Variants in IL20RB observed in about 807,000 individuals in gnomAD.
The protein encoded by IL20RB is interleukin 20 receptor subunit beta, also known as interleukin-20 receptor subunit beta.
In IL20RB, 21 loss-of-function variants were observed where a neutral mutation model predicts 33.3. That is an observed-to-expected ratio of 0.63 (90% confidence interval 0.45 to 0.91). The LOEUF (loss-of-function observed/expected upper bound fraction) is 0.91. IL20RB is among the 40% of genes least tolerant of loss of function. The pLI is 0.00. For synonymous variants in IL20RB, 147 were observed against 146.8 expected (o/e 1.00, Z -0.01); for missense variants, 345 against 384.8 (o/e 0.90, Z 0.86).
chr3:136,987,877 C>T (rs1270958182), intron 3 of IL20RB, among the ~76,000 whole-genome samples: 4 of 152,156 alleles, frequency 2.6e-5, no homozygotes, highest in African/African-American at 7.2e-5. Flanking sequence ...GCCGGCTGCT[C>T]CGAGTGCGGG....
At chr3:136,980,284 T>C (rs1440832539) in intron 1 of IL20RB, 182 bp from the exon 2 acceptor site, 3 of 622,122 alleles carry the variant, frequency 4.8e-6, no homozygotes, top group Non-Finnish European at 8.2e-6. Context: ...TTTATAAACA[T>C]GTGAGGCTTT....
At chr3:136,963,612 A>G (rs1322441962) in intron 1 of IL20RB, among the ~76,000 whole-genome samples, 1 of 148,006 alleles carries the variant, frequency 6.8e-6, no homozygotes, top group African/African-American at 2.5e-5. Flanking sequence ...CTATTTTTAG[A>G]TTGGATTGTT....
chr3:136,969,920 C>T (rs1026317118), intron 1 of IL20RB, among the ~76,000 whole-genome samples: 2 of 151,862 alleles, frequency 1.3e-5, no homozygotes, highest in African/African-American at 4.8e-5. Context: ...GAACTTTTTG[C>T]CCAGCCCTGA....
At chr3:136,970,773 CT>C (rs1390208620) in intron 1 of IL20RB, among the ~76,000 whole-genome samples, 4 of 152,032 alleles carry the variant, frequency 2.6e-5, no homozygotes, top group Non-Finnish European at 5.9e-5. Flanking sequence ...CTGCCTCAGC[CT>C]CCCCAGTAGC....
chr3:137,005,867 CT>C (rs1942339871), intron 6 of IL20RB, among the ~76,000 whole-genome samples: 2 of 152,322 alleles, frequency 1.3e-5, no homozygotes, highest in South Asian at 4.1e-4. Flanking sequence ...CGTCGATGGT[CT>C]TTGCTATTTG....
chr3:136,960,742 T>A (rs1941196637), intron 1 of IL20RB, among the ~76,000 whole-genome samples: 1 of 152,188 alleles, frequency 6.6e-6, no homozygotes, highest in African/African-American at 2.4e-5. Flanking sequence ...TTGATGATGG[T>A]TTGGTCTGCT....
At chr3:136,989,372 G>T in intron 3 of IL20RB, 69 bp from the exon 4 acceptor site, 2 of 1,586,088 alleles carry the variant, frequency 1.3e-6, no homozygotes, top group Admixed American at 1.7e-5. Context: ...ACATGACCCG[G>T]TCATTGTGTT....
chr3:136,973,482 T>C (rs1560067394), intron 1 of IL20RB, among the ~76,000 whole-genome samples: 1 of 152,138 alleles, frequency 6.6e-6, no homozygotes, highest in Non-Finnish European at 1.5e-5. Context: ...TGACCTAACA[T>C]ATGGTTTATT....
intron 2 of IL20RB, 163 bp from the exon 3 acceptor site, chr3:136,981,997 G>A (rs1445118096): frequency 8.8e-6 from 4 of 455,382 alleles, no homozygotes; most frequent in East Asian, 6.8e-5. Context: ...AGTAAGGGAC[G>A]ATGGATGGTT....
intron 6 of IL20RB, among the ~76,000 whole-genome samples, chr3:137,009,331 G>A (rs1933020069): frequency 6.6e-6 from 1 of 152,184 alleles, no homozygotes; most frequent in Non-Finnish European, 1.5e-5. Context: ...CACCTGAAAA[G>A]TTGATGTCTG....
chr3:136,987,934 GC>G (rs1351733855), intron 3 of IL20RB, among the ~76,000 whole-genome samples: 1 of 152,180 alleles, frequency 6.6e-6, no homozygotes, highest in Non-Finnish European at 1.5e-5. Context: ...GCCCGCAAGC[GC>G]CGCGTGCAGC....
chr3:137,003,377 C>T (rs544810470), intron 6 of IL20RB, among the ~76,000 whole-genome samples: 16 of 152,250 alleles, frequency 1.1e-4, no homozygotes. Context: ...GCCATTTTCA[C>T]GATATTGATT....
chr3:136,981,821 A>C (rs887699425), intron 2 of IL20RB, among the ~76,000 whole-genome samples: 4 of 152,148 alleles, frequency 2.6e-5, no homozygotes, highest in African/African-American at 9.6e-5. Flanking sequence ...CAATCTGCTG[A>C]GTGGTGAATG....
intron 2 of IL20RB, 53 bp from the exon 3 acceptor site, chr3:136,982,107 T>G: frequency 6.7e-6 from 9 of 1,350,488 alleles, no homozygotes; most frequent in South Asian, 1.6e-5. Flanking sequence ...CAACCATAAC[T>G]GAGCCTGTGT....
At chr3:136,960,853 G>A (rs1941199740) in intron 1 of IL20RB, among the ~76,000 whole-genome samples, 1 of 152,194 alleles carries the variant, frequency 6.6e-6, no homozygotes, top group South Asian at 2.1e-4. Flanking sequence ...TAAAGAAGAT[G>A]GTGCTACCTT....
intron 6 of IL20RB, among the ~76,000 whole-genome samples, chr3:137,008,552 G>A (rs932026928): frequency 3.9e-5 from 6 of 152,150 alleles, no homozygotes; most frequent in Admixed American, 3.3e-4. Context: ...TCTAAACTGT[G>A]GGACCACAGT....
At chr3:136,973,553 G>C (rs1285238610) in intron 1 of IL20RB, among the ~76,000 whole-genome samples, 1 of 152,146 alleles carries the variant, frequency 6.6e-6, no homozygotes, top group African/African-American at 2.4e-5. Context: ...TGGATATAAT[G>C]TTCTGTAAAT....
At chr3:136,999,693 A>G (rs1454454979) in intron 6 of IL20RB, among the ~76,000 whole-genome samples, 1 of 150,004 alleles carries the variant, frequency 6.7e-6, no homozygotes, top group Admixed American at 6.7e-5. Flanking sequence ...CCTCTTCTTT[A>G]TTCTTCAGAT....
intron 6 of IL20RB, 128 bp downstream of exon 6, chr3:136,995,684 G>A: frequency 2.4e-6 from 2 of 826,572 alleles, no homozygotes; most frequent in South Asian, 2.1e-5. Context: ...AGAGAGGGGA[G>A]AGGAATACTT....
Sources: allele counts gnomAD v4.1 joint callset (sites outside exome capture counted in the v4.1 genomes callset), GRCh38; gene constraint gnomAD v4.1.1; transcripts MANE v1.5; gene names NCBI Gene and HGNC (gene_info 2026-07-23, HGNC 2026-07-21).